USP34: variants seen among roughly 807,000 people sequenced by gnomAD.
USP34 encodes ubiquitin carboxyl-terminal hydrolase 34.
In USP34, 70 loss-of-function variants were observed where a neutral mutation model predicts 460.3. The ratio of observed to expected loss-of-function variants is 0.15; its 90% CI spans 0.13 to 0.19. The LOEUF is 0.19. Ranked by LOEUF, USP34 falls within the 10% of genes least tolerant of loss-of-function variation. The pLI, the probability that USP34 is intolerant of heterozygous loss-of-function variation, is 1.00. For synonymous variants in USP34, 1,647 were observed against 1,405.3 expected (o/e 1.17, Z -3.85); for missense variants, 3,985 against 4,236.2 (o/e 0.94, Z 1.65).
At chr2:61,200,057 G>A (rs1472534759) in intron 75 of USP34, 1 of 152,280 alleles carries the variant, frequency 6.6e-6, no homozygotes, top group African/African-American at 2.4e-5. Flanking sequence ...ACCTGTGTGT[G>A]TGCGCATGCA....
At chr2:61,244,609 G>A (rs777578544) in intron 51 of USP34, among the ~76,000 whole-genome samples, 1 of 134,266 alleles carries the variant, frequency 7.4e-6, no homozygotes, top group Non-Finnish European at 1.6e-5. Flanking sequence ...GCAAGAATCC[G>A]ACTTGGGGGC....
chr2:61,251,125 G>A (rs760628933), intron 48 of USP34, among the ~76,000 whole-genome samples: 42 of 152,006 alleles, frequency 2.8e-4, no homozygotes, highest in Middle Eastern at 3.2e-3. Context: ...GTGATCAAGC[G>A]AGACTCCATC....
intron 72 of USP34, 93 bp from the exon 73 acceptor site, chr2:61,204,694 CA>C: frequency 1.0e-6 from 1 of 987,356 alleles, no homozygotes; most frequent in East Asian, 2.4e-5. Flanking sequence ...TGCCTCACTA[CA>C]ACCAGTTTAA....
At chr2:61,388,693 T>C (rs1384306483) in intron 5 of USP34, among the ~76,000 whole-genome samples, 1 of 151,710 alleles carries the variant, frequency 6.6e-6, no homozygotes, top group Admixed American at 6.6e-5. Context: ...GAGGCAGAGC[T>C]TGCAGTGAGC....
In USP34 at chr2:61,188,065, G is replaced by A; in HGVS notation, c.*37C>T. 6.3e-7 allele frequency: 1 copy of A among 1,582,388 alleles called. No individual in the cohort carries two copies. The highest frequency in any genetic ancestry group is 8.6e-7 in the Non-Finnish European group (1 of 1,164,308). On this transcript the variant is annotated 3_prime_UTR_variant, in exon 80 of 80. Transcript: ENST00000398571. Reference sequence around the variant, plus strand: ...TTATACAAACAGCATGGGGGTTGGGGGTGAGGGACTTAAAAGTAGACATGC... The same window carrying A: ...TTATACAAACAGCATGGGGGTTGGGAGTGAGGGACTTAAAAGTAGACATGC...
At chr2:61,199,102 C>G (rs1686893650) in intron 75 of USP34, among the ~76,000 whole-genome samples, 1 of 152,106 alleles carries the variant, frequency 6.6e-6, no homozygotes, top group Non-Finnish European at 1.5e-5. Context: ...GGCATTTTCA[C>G]CATGTAGTAT....
intron 68 of USP34, among the ~76,000 whole-genome samples, chr2:61,213,257 C>T (rs1011870571): frequency 2.6e-5 from 4 of 152,082 alleles, no homozygotes; most frequent in East Asian, 1.9e-4. Context: ...TCGAGTGATC[C>T]GCCTCTGCCT....
chr2:61,308,640 A>C (rs1361943744), intron 27 of USP34, among the ~76,000 whole-genome samples: 2 of 152,166 alleles, frequency 1.3e-5, no homozygotes, highest in Admixed American at 1.3e-4. Context: ...CTAAATACCT[A>C]AACATGTAAA....
chr2:61,204,574 C>G lies in USP34; in HGVS notation c.9182G>C (p.Ser3061Thr), dbSNP rs1356601158. The change falls in exon 73 of 80, where the codon AGT (serine) becomes ACT (threonine). Residue 3061 changes from serine to threonine, a missense_variant. Around this residue, in one of 14 missense-constraint regions of USP34, gnomAD observed 275 missense variants for 292.7 expected, o/e 0.94. Transcript: ENST00000398571. ...CAGAGTATGAAGAAAATCATGGGGACTCAAAAGTACAAGTTCCTTGAGGAC... is the reference window on the plus strand; with the variant it reads ...CAGAGTATGAAGAAAATCATGGGGAGTCAAAAGTACAAGTTCCTTGAGGAC... The part of the protein sequence containing the change: ...IDVLKELVLL[S>T]PHDFLHTLVP... 1.2e-6 allele frequency: 2 copies of G among 1,613,886 alleles called. No individual in the cohort carries two copies. Among genetic ancestry groups the G allele is most frequent in the Admixed American group, 3.3e-5 (2 of 60,008 alleles).
intron 10 of USP34, among the ~76,000 whole-genome samples, chr2:61,368,475 T>C (rs1483557035): frequency 6.6e-6 from 1 of 151,942 alleles, no homozygotes; most frequent in Non-Finnish European, 1.5e-5. Flanking sequence ...AGCAAGAATT[T>C]CCAAAAACAG....
chr2:61,317,897 T>C (rs1415657463), intron 22 of USP34, 130 bp from the exon 23 acceptor site: 2 of 642,060 alleles, frequency 3.1e-6, no homozygotes, highest in Non-Finnish European at 5.0e-6. Flanking sequence ...AGTGATAATT[T>C]TAAAAAATAA....
At chr2:61,211,227 ATAG>A (rs950806448) in intron 69 of USP34, among the ~76,000 whole-genome samples, 1 of 152,242 alleles carries the variant, frequency 6.6e-6, no homozygotes, top group Non-Finnish European at 1.5e-5. Flanking sequence ...GATGTAATAC[ATAG>A]AAGAATTTAA....
rs1199585625 is a variant in USP34, at chr2:61,225,244, A to G, written c.7595+1823T>C. On this transcript the variant is annotated intron_variant, in intron 62 of 79. Coordinates refer to ENST00000398571, the MANE Select transcript of USP34 (RefSeq NM_014709.4). Reference sequence around the variant, plus strand: ...TATTTTTATCTTTCTTTTGCTGAAAATCTTGGTTTCCAATGACATTAACAG... The same window carrying G: ...TATTTTTATCTTTCTTTTGCTGAAAGTCTTGGTTTCCAATGACATTAACAG... Among the ~76,000 whole-genome samples, 5 of 152,250 alleles carry G rather than the reference A, an allele frequency of 3.3e-5. No individual in the cohort carries two copies. The East Asian group carries it at 7.7e-4, about 23-fold the overall frequency.
intron 10 of USP34, among the ~76,000 whole-genome samples, chr2:61,354,987 G>A (rs1692061394): frequency 6.6e-6 from 1 of 152,122 alleles, no homozygotes; most frequent in African/African-American, 2.4e-5. Flanking sequence ...CTCTGTTGTT[G>A]CTGTATCCCC....
At chr2:61,467,909 T>C (rs1488575746) in intron 1 of USP34, among the ~76,000 whole-genome samples, 1 of 151,782 alleles carries the variant, frequency 6.6e-6, no homozygotes, top group Non-Finnish European at 1.5e-5. Flanking sequence ...GCGTGAGCTG[T>C]ATTCAGAGTT....
intron 1 of USP34, among the ~76,000 whole-genome samples, chr2:61,431,767 T>C (rs371999954): frequency 4.6e-5 from 7 of 151,938 alleles, no homozygotes; most frequent in African/African-American, 1.7e-4. Context: ...GGCAGGAGAA[T>C]CACTTGAACC....
At chr2:61,228,015 T>C (rs1425249131) in intron 61 of USP34, among the ~76,000 whole-genome samples, 1 of 152,200 alleles carries the variant, frequency 6.6e-6, no homozygotes, top group African/African-American at 2.4e-5. Context: ...TAGTGTATAT[T>C]CTGTGAAGCA....
chr2:61,337,632 A>AT (rs1283203468), intron 18 of USP34, among the ~76,000 whole-genome samples: 3 of 151,944 alleles, frequency 2.0e-5, no homozygotes, highest in Non-Finnish European at 4.4e-5. Context: ...TTTTATTTGT[A>AT]TTTTTTGTAG....
intron 41 of USP34, among the ~76,000 whole-genome samples, chr2:61,271,554 C>T (rs1013377495): frequency 1.3e-5 from 2 of 150,866 alleles, no homozygotes; most frequent in African/African-American, 4.9e-5. Context: ...AGGAATGATA[C>T]TCATACTTTA....
Sources: gnomAD v4.1 joint callset for allele counts (sites outside exome capture counted in the v4.1 genomes callset) on GRCh38, gnomAD v4.1.1 for gene constraint, gnomAD v4.1.1 regional missense constraint, MANE v1.5 for transcripts, NCBI Gene and HGNC (gene_info 2026-07-23, HGNC 2026-07-21) for gene names.